IDE: variants seen among roughly 807,000 people sequenced by gnomAD.
IDE encodes insulin degrading enzyme, also known as insulin-degrading enzyme.
Under a neutral mutation model 133.2 loss-of-function variants are expected in IDE, and 58 were observed. That is an observed-to-expected ratio of 0.44 (90% confidence interval 0.35 to 0.54). The LOEUF (loss-of-function observed/expected upper bound fraction) is 0.54, where lower values mean the gene tolerates loss of function less well. Ranked by LOEUF, IDE falls within the 20% of genes least tolerant of loss-of-function variation. The probability of loss-of-function intolerance (pLI) is 0.00; values close to 1 mark genes in which losing one functional copy is unlikely to be tolerated. For synonymous variants in IDE, 396 were observed against 421.3 expected (o/e 0.94, Z 0.73); for missense variants, 981 against 1,234.0 (o/e 0.79, Z 3.07).
chr10:92,479,950 T>G (rs1272790269), intron 14 of IDE, among the ~76,000 whole-genome samples: 2 of 152,172 alleles, frequency 1.3e-5, no homozygotes, highest in African/African-American at 4.8e-5. Flanking sequence ...TCCCTGAGTT[T>G]TCCCCAAAAC....
chr10:92,544,471 G>T (rs1045361276), intron 1 of IDE, among the ~76,000 whole-genome samples: 2 of 152,162 alleles, frequency 1.3e-5, no homozygotes, highest in African/African-American at 4.8e-5. Context: ...AAAGATAAGT[G>T]GTTAAGTGAC....
Position 92,524,501 on chromosome 10 carries a change from T to A in IDE, c.661+7247A>T, listed in dbSNP as rs867602070. On this transcript the variant is annotated intron_variant, in intron 4 of 24. Coordinates refer to ENST00000265986, the MANE Select transcript of IDE (RefSeq NM_004969.4). The stretch of plus-strand genomic sequence containing the variant: ...AATATATATTATATTATAATATATT[T>A]TATATAATATATAATATATATTATA... Among the ~76,000 whole-genome samples, 211 of 83,140 alleles carry A rather than the reference T, an allele frequency of 2.5e-3. 19 individuals are homozygous for A. Among genetic ancestry groups the A allele is most frequent in the African/African-American group, 9.8e-3 (194 of 19,874 alleles). The allele number at this position is 83,140 out of a possible 152,430, so 54.5% of individuals were successfully genotyped here.
intron 1 of IDE, among the ~76,000 whole-genome samples, chr10:92,547,276 G>T (rs951584014): frequency 6.9e-4 from 104 of 151,532 alleles, no homozygotes; most frequent in African/African-American, 2.4e-3. Context: ...GTAGAGACAG[G>T]GTTTTACCAT....
chr10:92,563,561 G>A (rs1037555798), intron 1 of IDE, among the ~76,000 whole-genome samples: 1 of 150,692 alleles, frequency 6.6e-6, no homozygotes, highest in African/African-American at 2.4e-5. Flanking sequence ...GACCATCCTG[G>A]CCAACATGGT....
intron 22 of IDE, among the ~76,000 whole-genome samples, chr10:92,458,284 C>T (rs1003097897): frequency 3.9e-5 from 6 of 152,092 alleles, no homozygotes; most frequent in Non-Finnish European, 8.8e-5. Flanking sequence ...TAAATGCAGG[C>T]TAAAGTCTTT....
chr10:92,471,677 T>C (rs907201674), intron 17 of IDE, among the ~76,000 whole-genome samples: 1 of 152,150 alleles, frequency 6.6e-6, no homozygotes, highest in Non-Finnish European at 1.5e-5. Context: ...CTGGAGCTCC[T>C]TGATCAAAGA....
chr10:92,535,584 T>C (rs1841956360), intron 2 of IDE, among the ~76,000 whole-genome samples: 1 of 152,190 alleles, frequency 6.6e-6, no homozygotes, highest in Non-Finnish European at 1.5e-5. Context: ...ACAAATTAGA[T>C]GACATATGCA....
chr10:92,568,926 T>C (rs1002858283), intron 1 of IDE, among the ~76,000 whole-genome samples: 3 of 152,174 alleles, frequency 2.0e-5, no homozygotes, highest in African/African-American at 7.2e-5. Flanking sequence ...AATGTTTGTT[T>C]CCTAAAGTAG....
In IDE at chr10:92,574,061, T is replaced by C; in HGVS notation, c.-42A>G. ...CGGGATCACCGCAAACGCTTCCTGC[T>C]TGCGCTTCGAGCCGGCCCTGCGCAC... On this transcript the variant is annotated 5_prime_UTR_variant, in exon 1 of 25. Coordinates refer to ENST00000265986, the MANE Select transcript of IDE (RefSeq NM_004969.4). 6.9e-7 allele frequency: 1 copy of C among 1,459,652 alleles called. No individual in the cohort carries two copies. Among genetic ancestry groups the C allele is most frequent in the Non-Finnish European group, 9.1e-7 (1 of 1,094,358 alleles). 90.4% of individuals were successfully genotyped at this position (1,459,652 alleles called of 1,614,324 possible).
intron 18 of IDE, among the ~76,000 whole-genome samples, chr10:92,469,481 T>G (rs886799822): frequency 6.6e-6 from 1 of 151,750 alleles, no homozygotes; most frequent in African/African-American, 2.4e-5. Flanking sequence ...CAGGCTGGAG[T>G]GCAGTGGCAC....
At chr10:92,563,476 G>A (rs1183988729) in intron 1 of IDE, among the ~76,000 whole-genome samples, 4 of 151,694 alleles carry the variant, frequency 2.6e-5, no homozygotes, top group Non-Finnish European at 4.4e-5. Flanking sequence ...AAAAAGGCTG[G>A]GCATGGTGGC....
At position 92,469,321 on chromosome 10, in the gene IDE, G is replaced by A. The variant is rs376234852; in HGVS notation, c.2209-331C>T. ...AAGGGAGGCAAACATAGGCTTTATT[G>A]TAGGTAAAATGACCTTGGTAAGAAT... On this transcript the variant is annotated intron_variant, in intron 18 of 24. Transcript: ENST00000265986. 3.9e-5 allele frequency among the ~76,000 whole-genome samples: 6 copies of A among 152,252 alleles called. No individual in the cohort carries two copies. In the East Asian group the frequency reaches 9.6e-4, roughly 24 times the overall value.
chr10:92,486,384 T>C (rs1405703873), intron 13 of IDE, among the ~76,000 whole-genome samples: 1 of 151,946 alleles, frequency 6.6e-6, no homozygotes, highest in Non-Finnish European at 1.5e-5. Context: ...AAAATGGTTG[T>C]CTCATTAATA....
chr10:92,462,562 G>A (rs765170031), intron 21 of IDE, among the ~76,000 whole-genome samples: 20 of 151,820 alleles, frequency 1.3e-4, no homozygotes, highest in Non-Finnish European at 2.2e-4. Flanking sequence ...GCCGGAGATC[G>A]TGCCATTGCA....
chr10:92,555,554 A>C (rs1727640359), intron 1 of IDE, among the ~76,000 whole-genome samples: 1 of 152,022 alleles, frequency 6.6e-6, no homozygotes, highest in African/African-American at 2.4e-5. Flanking sequence ...AATTACTGTA[A>C]TTGGTTCAGG....
intron 1 of IDE, chr10:92,558,787 GT>G (rs2135795536): frequency 6.6e-6 from 1 of 152,144 alleles, no homozygotes; most frequent in South Asian, 2.1e-4. Context: ...TAGAGATGGG[GT>G]TTCACCTTGT....
Position 92,451,786 on chromosome 10 carries a change from G to GA in IDE, c.*2657dup, listed in dbSNP as rs1844753802. ...GAGCCAACTGGCCACTATATGAGTA[G>GA]AAAAATTATTTTGACAGGGATCAAG... On this transcript the variant is annotated 3_prime_UTR_variant, in exon 25 of 25. Transcript: ENST00000265986. 1 of 152,250 alleles carries GA rather than the reference G, an allele frequency of 6.6e-6. No homozygotes were observed. Among genetic ancestry groups the GA allele is most frequent in the Non-Finnish European group, 1.5e-5 (1 of 68,058 alleles). 9.4% of individuals were successfully genotyped at this position (152,250 alleles called of 1,614,324 possible). A position where few individuals can be genotyped will look rare whatever the true frequency, so the allele number is the denominator to read the frequency against.
chr10:92,498,057 T>A (rs1847810598), intron 11 of IDE, among the ~76,000 whole-genome samples: 1 of 152,246 alleles, frequency 6.6e-6, no homozygotes, highest in South Asian at 2.1e-4. Context: ...ACAACACTTT[T>A]TGACTTTGCT....
chr10:92,511,451 T>G (rs1390952922), intron 5 of IDE, among the ~76,000 whole-genome samples: 1 of 152,138 alleles, frequency 6.6e-6, no homozygotes, highest in Non-Finnish European at 1.5e-5. Context: ...TGATTCTGTC[T>G]CCTCAAAAAT....
Sources: allele counts gnomAD v4.1 joint callset (sites outside exome capture counted in the v4.1 genomes callset), GRCh38; gene constraint gnomAD v4.1.1; transcripts MANE v1.5; gene names NCBI Gene and HGNC (gene_info 2026-07-23, HGNC 2026-07-21).